Variants in PGAP2 observed in about 807,000 individuals in gnomAD.
PGAP2 encodes the protein post-GPI attachment to proteins 2, also known as acyltransferase PGAP2.
A neutral mutation model predicts 33.2 loss-of-function variants in PGAP2; 21 were observed. That is an observed-to-expected ratio of 0.63 (90% CI 0.45 to 0.91). The LOEUF (loss-of-function observed/expected upper bound fraction) is 0.91. PGAP2 is among the 40% of genes least tolerant of loss of function. PGAP2 has a pLI of 0.00. For missense variants in PGAP2, 345 were observed against 424.0 expected, an observed-to-expected ratio of 0.81 and a Z score of 1.64; for synonymous variants, 161 against 172.9, an observed-to-expected ratio of 0.93 and a Z score of 0.54.
intron 3 of PGAP2, among the ~76,000 whole-genome samples, chr11:3,823,202 AT>A (rs933554078): frequency 6.3e-4 from 91 of 144,880 alleles, no homozygotes; most frequent in Non-Finnish European, 5.8e-4. Flanking sequence ...CGCCTGGCTA[AT>A]TTTTTTTTTT....
chr11:3,798,633 T>C (rs2082949742), intron 1 of PGAP2, among the ~76,000 whole-genome samples: 1 of 65,108 alleles, frequency 1.5e-5, no homozygotes, highest in Admixed American at 2.0e-4. Context: ...GCCCATGAAC[T>C]AATTTTTTTT....
chr11:3,801,803 G>A (rs1447735404), intron 1 of PGAP2, among the ~76,000 whole-genome samples: 4 of 151,874 alleles, frequency 2.6e-5, no homozygotes, highest in Non-Finnish European at 4.4e-5. Context: ...AAATTAGCCA[G>A]GCATAGTTGC....
At chr11:3,816,872 T>A (rs2087153643) in intron 2 of PGAP2, among the ~76,000 whole-genome samples, 1 of 152,190 alleles carries the variant, frequency 6.6e-6, no homozygotes, top group African/African-American at 2.4e-5. Flanking sequence ...TTAGTTGGCC[T>A]GAAAGAAGCC....
At chr11:3,804,997 C>T (rs909452728), upstream of PGAP2, among the ~76,000 whole-genome samples, 1 of 152,196 alleles carries the variant, frequency 6.6e-6, no homozygotes, top group Non-Finnish European at 1.5e-5. Flanking sequence ...CCACCGCACC[C>T]GGCCCAAGAA....
upstream of PGAP2, among the ~76,000 whole-genome samples, chr11:3,803,797 A>ATAT (rs1554916392): frequency 0.16 from 23,109 of 144,466 alleles, 2,002 homozygotes; most frequent in Non-Finnish European, 0.19. Context: ...ATATATATAT[A>ATAT]TTTTTTTTTT....
intron 3 of PGAP2, chr11:3,817,952 A>G (rs1363656415): frequency 7.0e-6 from 3 of 427,068 alleles, no homozygotes; most frequent in Non-Finnish European, 1.4e-5. Context: ...AGGCTAAGGC[A>G]GGAGAATTGC....
At chr11:3,807,435 G>A (rs1398600310), upstream of PGAP2, among the ~76,000 whole-genome samples, 2 of 149,234 alleles carry the variant, frequency 1.3e-5, no homozygotes, top group Non-Finnish European at 3.0e-5. Flanking sequence ...AGCCTCCCAA[G>A]TAGCTGGGAT....
chr11:3,808,003 G>C, upstream of PGAP2: 5 of 1,325,310 alleles, frequency 3.8e-6, no homozygotes, highest in Non-Finnish European at 3.9e-6. Flanking sequence ...ACGTAGGACA[G>C]GGCGCCCTCT....
At chr11:3,818,040 C>T in intron 3 of PGAP2, 1 of 254,528 alleles carries the variant, frequency 3.9e-6, no homozygotes, top group Non-Finnish European at 7.7e-6. Flanking sequence ...GAGTAAAACC[C>T]TGTCTCAAAA....
At chr11:3,798,353 G>T (rs904652322) in intron 1 of PGAP2, among the ~76,000 whole-genome samples, 3 of 152,232 alleles carry the variant, frequency 2.0e-5, no homozygotes, top group African/African-American at 7.2e-5. Context: ...CTTTTGAGAT[G>T]AAGTCTCGCG....
intron 3 of PGAP2, among the ~76,000 whole-genome samples, chr11:3,821,344 C>T (rs1174122382): frequency 6.6e-6 from 1 of 152,270 alleles, no homozygotes; most frequent in African/African-American, 2.4e-5. Context: ...AGAGCAAATT[C>T]ATTCCCTTGC....
chr11:3,816,176 G>A (rs1041332090), intron 2 of PGAP2: 13 of 152,750 alleles, frequency 8.5e-5, no homozygotes, highest in African/African-American at 3.1e-4. Context: ...AGGAGCAGGG[G>A]GTGGGATCCT....
chr11:3,815,915 C>T lies in PGAP2; in HGVS notation c.166-1438C>T, dbSNP rs140448695. Among the ~76,000 whole-genome samples, 182 of 152,234 alleles carry T rather than the reference C, an allele frequency of 1.2e-3. 1 individual carries two copies. The highest frequency in any genetic ancestry group is 4.2e-3 in the African/African-American group (174 of 41,576). On this transcript the variant is annotated intron_variant, in intron 2 of 6. Coordinates refer to ENST00000278243, the MANE Select transcript of PGAP2 (RefSeq NM_014489.4). ...CTCTCAGTCCTGCTCTAACAAAAAA[C>T]GGCCAGACCCCTTTTTGCTTTCTCT...
chr11:3,797,787 G>A (rs2082762570), upstream of PGAP2: 10 of 1,540,788 alleles, frequency 6.5e-6, no homozygotes, highest in Middle Eastern at 1.7e-4. Context: ...CCTCGCCGCC[G>A]CGGTTGGCGG....
intron 1 of PGAP2, chr11:3,798,048 T>G: frequency 7.2e-6 from 11 of 1,523,492 alleles, no homozygotes; most frequent in Non-Finnish European, 9.7e-6. Flanking sequence ...CTAGTCTCTC[T>G]GCCCGCACTT....
rs1466667957 is a variant in PGAP2, at chr11:3,824,338, C to A, written c.670C>A (p.Leu224Ile). 5 of 1,614,246 alleles carry A rather than the reference C, an allele frequency of 3.1e-6. No homozygotes were observed. The South Asian group carries it at 5.5e-5, about 18-fold the overall frequency. ...CGGGCACATGCTCCTCACCTGCATT[C>A]TCTGGCGGTTGACCAAGAAGCACAC... ...SLGHMLLTCI[L>I]WRLTKKHTVS... Residue 224 changes from leucine to isoleucine, a missense_variant, in exon 5 of 7, where the codon CTC becomes ATC. Leu to Ile is a conservative substitution (Grantham distance 5). Transcript: ENST00000278243.
intron 3 of PGAP2, among the ~76,000 whole-genome samples, chr11:3,821,810 C>G (rs1048102889): frequency 2.7e-5 from 4 of 150,252 alleles, no homozygotes; most frequent in African/African-American, 1.0e-4. Context: ...TGCCTGTAAT[C>G]CCAGCAGTTT....
intron 3 of PGAP2, 66 bp from the exon 4 acceptor site, chr11:3,823,817 A>G: frequency 6.3e-7 from 1 of 1,597,486 alleles, no homozygotes; most frequent in Non-Finnish European, 8.5e-7. Flanking sequence ...TGTCAGATGG[A>G]GAGAAGGTTC....
At chr11:3,818,200 TAA>T (rs1385753804) in intron 3 of PGAP2, among the ~76,000 whole-genome samples, 1 of 150,046 alleles carries the variant, frequency 6.7e-6, no homozygotes, top group Non-Finnish European at 1.5e-5. Flanking sequence ...CTGTCTCTAC[TAA>T]AAAATACAAA....
Sources: allele counts gnomAD v4.1 joint callset (sites outside exome capture counted in the v4.1 genomes callset), GRCh38; gene constraint gnomAD v4.1.1; transcripts MANE v1.5; gene names NCBI Gene and HGNC (gene_info 2026-07-23, HGNC 2026-07-21).